Variants in TMEM154 observed in about 807,000 individuals in gnomAD.
The protein encoded by TMEM154 is transmembrane protein 154.
A neutral mutation model predicts 24.5 loss-of-function variants in TMEM154; 27 were observed. That is an observed-to-expected ratio of 1.10 (90% CI 0.81 to 1.52). The LOEUF (loss-of-function observed/expected upper bound fraction) is 1.52. TMEM154 is among the 40% of genes most tolerant of loss of function. The pLI is 0.00. For missense variants in TMEM154, 228 were observed against 213.4 expected (o/e 1.07, Z -0.43); for synonymous variants, 67 against 76.8 (o/e 0.87, Z 0.67).
At chr4:152,629,824 A>G (rs1751999086) in intron 6 of TMEM154, among the ~76,000 whole-genome samples, 1 of 152,218 alleles carries the variant, frequency 6.6e-6, no homozygotes, top group African/African-American at 2.4e-5. Flanking sequence ...ATAGACAGAC[A>G]GATAGATAAA....
rs1350306972 is a variant in TMEM154, at chr4:152,648,105, G to A, written c.365-3663C>T. Among the ~76,000 whole-genome samples, 3 of 152,246 alleles carry A rather than the reference G, an allele frequency of 2.0e-5. No homozygotes were observed. The East Asian group carries it at 5.8e-4, about 29-fold the overall frequency. On this transcript the variant is annotated intron_variant, in intron 3 of 6. Coordinates refer to ENST00000304385, the MANE Select transcript of TMEM154 (RefSeq NM_152680.3). ...TGACAATGTGAATACTGTGAACAAA[G>A]AGTGTGAACAAAGTATTCTGAGAGC...
intron 1 of TMEM154, among the ~76,000 whole-genome samples, chr4:152,657,070 C>G (rs1728506595): frequency 6.7e-6 from 1 of 148,944 alleles, no homozygotes; most frequent in Non-Finnish European, 1.5e-5. Context: ...CTAAATCAAG[C>G]AGAAGGAAGA....
intron 6 of TMEM154, among the ~76,000 whole-genome samples, chr4:152,630,932 C>T (rs1752027470): frequency 6.6e-6 from 1 of 152,174 alleles, no homozygotes; most frequent in African/African-American, 2.4e-5. Context: ...AATAAATATA[C>T]AATATCTTTT....
intron 6 of TMEM154, among the ~76,000 whole-genome samples, chr4:152,637,546 G>GA (rs34604615): frequency 1.1e-4 from 16 of 147,544 alleles, no homozygotes; most frequent in East Asian, 2.0e-4. Context: ...ACTCAGTCTC[G>GA]AAAAAAAAAA....
rs1751885938 is a variant in TMEM154 at position 152,624,474 on chromosome 4, A to T, written c.*4072T>A. Reference sequence around the variant, plus strand: ...AAATTAGCCAGTCCTAGTAGTGCACACCAGTAGTCCCAGCTACTTGGGAGG... The same window carrying T: ...AAATTAGCCAGTCCTAGTAGTGCACTCCAGTAGTCCCAGCTACTTGGGAGG... On this transcript the variant is annotated 3_prime_UTR_variant, in exon 7 of 7. Transcript: ENST00000304385. 1 of 151,920 alleles carries T rather than the reference A, an allele frequency of 6.6e-6. No individual in the cohort carries two copies. The highest frequency in any genetic ancestry group is 1.5e-5 in the Non-Finnish European group (1 of 67,998). The allele number at this position is 151,920 out of a possible 1,614,324, so 9.4% of individuals were successfully genotyped here. A position where few individuals can be genotyped will look rare whatever the true frequency, so the allele number is the denominator to read the frequency against.
At chr4:152,649,887 T>C (rs986751484) in intron 3 of TMEM154, among the ~76,000 whole-genome samples, 1 of 152,224 alleles carries the variant, frequency 6.6e-6, no homozygotes, top group Non-Finnish European at 1.5e-5. Context: ...ATTTTTTAGT[T>C]TCCAAATGCA....
chr4:152,664,378 G>A (rs577237261), intron 1 of TMEM154, among the ~76,000 whole-genome samples: 11 of 110,696 alleles, frequency 9.9e-5, no homozygotes, highest in African/African-American at 1.5e-4. Context: ...CTGTCGTGGC[G>A]GGGGGGTACA....
chr4:152,670,931 TAGGGACG>T (rs1243479966), intron 1 of TMEM154, among the ~76,000 whole-genome samples: 1 of 152,052 alleles, frequency 6.6e-6, no homozygotes, highest in Non-Finnish European at 1.5e-5. Context: ...GGCTGTTAAG[TAGGGACG>T]ATGGCATGCA....
chr4:152,653,839 G>C (rs1728439109), intron 1 of TMEM154, among the ~76,000 whole-genome samples: 1 of 150,630 alleles, frequency 6.6e-6, no homozygotes, highest in Non-Finnish European at 1.5e-5. Context: ...AGGAGTTCGA[G>C]ACCAGCCTGA....
At chr4:152,664,638 C>T (rs1292331844) in intron 1 of TMEM154, among the ~76,000 whole-genome samples, 1 of 152,150 alleles carries the variant, frequency 6.6e-6, no homozygotes, top group African/African-American at 2.4e-5. Context: ...AAGACTGTCA[C>T]ATTAGTAATA....
intron 1 of TMEM154, among the ~76,000 whole-genome samples, chr4:152,655,098 G>C (rs4292315): frequency 0.58 from 87,604 of 151,960 alleles, 25,412 homozygotes; most frequent in Admixed American, 0.63. Flanking sequence ...GCATCTGGCA[G>C]TCACCTCTTC....
chr4:152,669,318 C>T (rs2149790116), intron 1 of TMEM154: 2 of 152,124 alleles, frequency 1.3e-5, no homozygotes, highest in South Asian at 4.1e-4. Context: ...GAACCAGAAC[C>T]AACACAGAGA....
intron 1 of TMEM154, among the ~76,000 whole-genome samples, chr4:152,665,127 T>C (rs996090962): frequency 5.3e-5 from 8 of 152,158 alleles, no homozygotes; most frequent in African/African-American, 1.9e-4. Context: ...AGCAGGAGGA[T>C]CACTTGAGTC....
At chr4:152,672,254 TAAG>T (rs1728857349) in intron 1 of TMEM154, among the ~76,000 whole-genome samples, 1 of 151,230 alleles carries the variant, frequency 6.6e-6, no homozygotes, top group Non-Finnish European at 1.5e-5. Context: ...GTGAAACCCT[TAAG>T]AAAAAAAAAG....
At chr4:152,661,324 CT>C (rs1561055012) in intron 1 of TMEM154, among the ~76,000 whole-genome samples, 2 of 148,290 alleles carry the variant, frequency 1.3e-5, no homozygotes, top group Non-Finnish European at 3.0e-5. Flanking sequence ...CTCTCTCTCT[CT>C]CTCTCTCTCT....
chr4:152,670,846 C>T (rs554304898), intron 1 of TMEM154, among the ~76,000 whole-genome samples: 64 of 152,214 alleles, frequency 4.2e-4, no homozygotes, highest in Admixed American at 1.6e-3. Context: ...TGCCTATTAA[C>T]GTGCAAGTGG....
chr4:152,636,741 A>G (rs1305351855), intron 6 of TMEM154, among the ~76,000 whole-genome samples: 3 of 152,226 alleles, frequency 2.0e-5, no homozygotes, highest in African/African-American at 7.2e-5. Flanking sequence ...TTTTCCCAGA[A>G]GCATGGTGGT....
rs149570453 is a variant in TMEM154, at chr4:152,636,958, CAG to C, written c.536+3968_536+3969del. On this transcript the variant is annotated intron_variant, in intron 6 of 6. Transcript: ENST00000304385. ...ATTCACCTGTATACTACTTCAATGA[CAG>C]AGGAAGAATCATGCACAAGGTAAAA... is the stretch of plus-strand genomic sequence containing the variant. Among the ~76,000 whole-genome samples, 55 of 152,210 alleles carry C rather than the reference CAG, an allele frequency of 3.6e-4. No individual in the cohort carries two copies. In the East Asian group the frequency reaches 0.011, roughly 29 times the overall value.
At chr4:152,652,965 A>G (rs545444163) in intron 1 of TMEM154, 38 bp from the exon 2 acceptor site, 4 of 1,540,456 alleles carry the variant, frequency 2.6e-6, no homozygotes, top group Non-Finnish European at 2.6e-6. Context: ...TTCCATGGAG[A>G]CAAAGTTAGT....
Sources: gnomAD v4.1 joint callset for allele counts (sites outside exome capture counted in the v4.1 genomes callset) on GRCh38, gnomAD v4.1.1 for gene constraint, MANE v1.5 for transcripts, NCBI Gene and HGNC (gene_info 2026-07-23, HGNC 2026-07-21) for gene names.